The following MARK1 variants were observed in gnomAD, a reference collection of about 807,000 sequenced individuals.
The protein encoded by MARK1 is serine/threonine-protein kinase MARK1.
MARK1 carries 40 observed loss-of-function variants against 96.3 expected under a neutral mutation model. That is an observed-to-expected ratio of 0.42 (90% CI 0.32 to 0.54). The LOEUF is 0.54. Among genes scored for constraint, MARK1 ranks in the 20% least tolerant of loss-of-function variants. The pLI is 0.16. For synonymous variants in MARK1, 317 were observed against 341.2 expected (o/e 0.93, Z 0.78); for missense variants, 719 against 984.6 (o/e 0.73, Z 3.61).
intron 7 of MARK1, among the ~76,000 whole-genome samples, chr1:220,617,106 A>G (rs1666798812): frequency 6.6e-6 from 1 of 152,170 alleles, no homozygotes; most frequent in Non-Finnish European, 1.5e-5. Flanking sequence ...TACAATGACC[A>G]GCCCCTTACA....
chr1:220,621,171 T>G (rs1558303966), intron 9 of MARK1, among the ~76,000 whole-genome samples: 1 of 152,260 alleles, frequency 6.6e-6, no homozygotes, highest in East Asian at 1.9e-4. Flanking sequence ...TGCTTTGTCA[T>G]AAGAATGCAC....
intron 9 of MARK1, chr1:220,626,185 T>C: frequency 1.7e-6 from 1 of 581,690 alleles, no homozygotes; most frequent in Admixed American, 2.0e-5. Context: ...ATCTGGCTTC[T>C]ATTACATCAA....
In MARK1 at chr1:220,618,262, A is replaced by ATTT. The variant is rs1666866109; in HGVS notation, c.553-46_553-44dup. 1.7e-6 allele frequency: 2 copies of ATTT among 1,191,378 alleles called. No homozygotes were observed. The highest frequency in any genetic ancestry group is 1.2e-6 in the Non-Finnish European group (1 of 816,836). 73.8% of individuals were successfully genotyped at this position (1,191,378 alleles called of 1,614,324 possible). A position where few individuals can be genotyped will look rare whatever the true frequency, so the allele number is the denominator to read the frequency against. ...CTAAAACTCTTTTACAAATATTTTT[A>ATTT]TTTTATGTAGGCTTTTTACATTGTT... On this transcript the variant is annotated intron_variant, in intron 7 of 17. Transcript: ENST00000366917. The surrounding 1 kb of genome is among the most constrained non-coding windows in gnomAD (Gnocchi z 4.6).
intron 1 of MARK1, among the ~76,000 whole-genome samples, chr1:220,540,033 T>A (rs541113134): frequency 1.4e-4 from 22 of 152,304 alleles, no homozygotes; most frequent in African/African-American, 5.1e-4. Flanking sequence ...GGTTTTTGAT[T>A]CCTGATTCAA....
At chr1:220,573,735 C>A (rs1328589466) in intron 1 of MARK1, among the ~76,000 whole-genome samples, 2 of 151,934 alleles carry the variant, frequency 1.3e-5, no homozygotes, top group Non-Finnish European at 2.9e-5. Context: ...TACTGTAATC[C>A]TATCCAATGA....
chr1:220,563,315 CAATTACCTGAAA>C (rs1662802461), intron 1 of MARK1, among the ~76,000 whole-genome samples: 1 of 151,906 alleles, frequency 6.6e-6, no homozygotes, highest in African/African-American at 2.4e-5. Flanking sequence ...AAAAAATTAC[CAATTACCTGAAA>C]AATAATGGCT....
intron 10 of MARK1, 100 bp from the exon 11 acceptor site, chr1:220,632,101 T>C: frequency 1.8e-6 from 1 of 547,510 alleles, no homozygotes; most frequent in Admixed American, 3.0e-5. Context: ...TTTTCATGAC[T>C]AAGTTTTCAT....
intron 9 of MARK1, among the ~76,000 whole-genome samples, chr1:220,624,328 G>A (rs946434458): frequency 1.1e-4 from 16 of 143,110 alleles, no homozygotes; most frequent in African/African-American, 4.2e-4. Flanking sequence ...GGTTGGGCAC[G>A]GTGGTTCACA....
At chr1:220,633,602 G>T (rs541295665) in intron 11 of MARK1, among the ~76,000 whole-genome samples, 1 of 152,270 alleles carries the variant, frequency 6.6e-6, no homozygotes, top group East Asian at 1.9e-4. Context: ...TGATTTGGGG[G>T]ATGCACAGCA....
chr1:220,623,299 A>G (rs186945525), intron 9 of MARK1, among the ~76,000 whole-genome samples: 3 of 152,316 alleles, frequency 2.0e-5, no homozygotes, highest in East Asian at 1.9e-4. Flanking sequence ...AGAATTTTAC[A>G]TATGCATGAG....
chr1:220,566,896 A>G (rs1663098371), intron 1 of MARK1, among the ~76,000 whole-genome samples: 1 of 152,144 alleles, frequency 6.6e-6, no homozygotes, highest in South Asian at 2.1e-4. Flanking sequence ...AACATCTGCT[A>G]AGTAACTACT....
intron 1 of MARK1, among the ~76,000 whole-genome samples, chr1:220,554,579 C>T (rs1488902513): frequency 6.6e-6 from 1 of 152,126 alleles, no homozygotes; most frequent in Non-Finnish European, 1.5e-5. Flanking sequence ...TTTGAAATAG[C>T]CCCCAGGTAG....
chr1:220,618,708 C>G lies in MARK1; in HGVS notation c.862C>G (p.Leu288Val). Reference sequence around the variant, plus strand: ...TATGTCCACAGACTGTGAAAATCTTCTGAAGAAATTATTAGTCCTGAATCC... The same window carrying G: ...TATGTCCACAGACTGTGAAAATCTTGTGAAGAAATTATTAGTCCTGAATCC... ...FYMSTDCENLLKKLLVLNPIK... is the reference protein window; with the variant it reads ...FYMSTDCENLVKKLLVLNPIK... The change falls in exon 9 of 18, where the codon CTG becomes GTG. Residue 288 changes from leucine (L) to valine (V), a missense_variant. Transcript: ENST00000366917. The surrounding 1 kb of genome is among the most constrained non-coding windows in gnomAD (Gnocchi z 4.6). 6.2e-7 allele frequency: 1 copy of G among 1,612,370 alleles called. No individual in the cohort carries two copies. Among genetic ancestry groups the G allele is most frequent in the Non-Finnish European group, 8.5e-7 (1 of 1,179,252 alleles).
Position 220,652,062 on chromosome 1 carries a change from C to T in MARK1, c.1648C>T (p.Arg550Cys), listed in dbSNP as rs1031153010. 6.2e-6 allele frequency: 10 copies of T among 1,613,680 alleles called. No individual in the cohort carries two copies. Among genetic ancestry groups the T allele is most frequent in the Admixed American group, 1.7e-5 (1 of 60,008 alleles). The stretch of plus-strand genomic sequence containing the variant: ...CTCTGCTGTCCCCTCAGCACGACCC[C>T]GCCACCAGAAGTCCATGTCCACTTC... The part of the protein sequence containing the change: ...VASAVPSARP[R>C]HQKSMSTSGH... Residue 550 changes from arginine (R) to cysteine (C), a missense_variant, in exon 15 of 18, where the codon CGC (arginine) becomes TGC (cysteine). Transcript: ENST00000366917.
At chr1:220,660,630 A>G (rs1669425391) in intron 17 of MARK1, among the ~76,000 whole-genome samples, 1 of 152,194 alleles carries the variant, frequency 6.6e-6, no homozygotes, top group Non-Finnish European at 1.5e-5. Context: ...AAATTTAATT[A>G]CAGGATTTTC....
intron 1 of MARK1, among the ~76,000 whole-genome samples, chr1:220,563,852 T>C (rs1169181571): frequency 1.3e-5 from 2 of 152,184 alleles, no homozygotes; most frequent in East Asian, 1.9e-4. Context: ...GAATGAATAA[T>C]CAAAACATAT....
Position 220,629,697 on chromosome 1 carries a change from T to A in MARK1, c.910-1338T>A, listed in dbSNP as rs1443102656. ...CTTTAGATAATCTGTATAAGTAGAA[T>A]CATGCAGTATTTGTCTTCTGTGATT... On this transcript the variant is annotated intron_variant, in intron 9 of 17. Transcript: ENST00000366917. 2.0e-5 allele frequency among the ~76,000 whole-genome samples: 3 copies of A among 152,186 alleles called. No homozygotes were observed. The East Asian group carries it at 5.8e-4, about 29-fold the overall frequency.
At chr1:220,659,853 C>T (rs1236427819) in intron 17 of MARK1, among the ~76,000 whole-genome samples, 2 of 152,038 alleles carry the variant, frequency 1.3e-5, no homozygotes, top group Non-Finnish European at 2.9e-5. Context: ...TGCAGTGGCA[C>T]GATCTCAGCT....
chr1:220,561,924 T>C (rs1296586171), intron 1 of MARK1, among the ~76,000 whole-genome samples: 2 of 152,128 alleles, frequency 1.3e-5, no homozygotes, highest in Non-Finnish European at 2.9e-5. Flanking sequence ...GTTTGTCAAG[T>C]ATGTGGGGGA....
Sources: gnomAD v4.1 joint callset for allele counts (sites outside exome capture counted in the v4.1 genomes callset) on GRCh38, gnomAD v4.1.1 for gene constraint, Gnocchi (gnomAD v3.1) non-coding constraint, MANE v1.5 for transcripts, NCBI Gene and HGNC (gene_info 2026-07-23, HGNC 2026-07-21) for gene names.